The following THADA variants were observed in gnomAD, a reference collection of about 807,000 sequenced individuals.
The protein encoded by THADA is tRNA (32-2'-O)-methyltransferase regulator THADA.
Under a neutral mutation model 219.8 loss-of-function variants are expected in THADA, and 213 were observed. The ratio of observed to expected loss-of-function variants is 0.97; its 90% CI spans 0.87 to 1.09. The LOEUF (loss-of-function observed/expected upper bound fraction) is 1.09. THADA is among the 50% of genes least tolerant of loss of function. THADA has a pLI of 0.00. For synonymous variants in THADA, 1,018 were observed against 828.9 expected (o/e 1.23, Z -3.92); for missense variants, 2,956 against 2,311.3 (o/e 1.28, Z -5.72).
chr2:43,566,378 T>TA (rs1558984559), intron 15 of THADA: 12 of 628,882 alleles, frequency 1.9e-5, no homozygotes, highest in South Asian at 8.0e-5. Flanking sequence ...TTTTAAAACT[T>TA]AAAGAACAGA....
chr2:43,423,778 T>C (rs1040741957), intron 28 of THADA, among the ~76,000 whole-genome samples: 1 of 152,124 alleles, frequency 6.6e-6, no homozygotes, highest in Admixed American at 6.6e-5. Context: ...CTAGAGCTCT[T>C]TGACTGGAAC....
At chr2:43,436,979 A>T (rs1249923508) in intron 26 of THADA, among the ~76,000 whole-genome samples, 1 of 152,180 alleles carries the variant, frequency 6.6e-6, no homozygotes, top group Non-Finnish European at 1.5e-5. Context: ...TAGCTCTCAG[A>T]TGTCTACGAA....
intron 29 of THADA, among the ~76,000 whole-genome samples, chr2:43,355,273 T>G (rs1170940134): frequency 6.6e-6 from 1 of 152,184 alleles, no homozygotes; most frequent in Non-Finnish European, 1.5e-5. Context: ...TGCTGGATCA[T>G]ATGGTATTCT....
intron 22 of THADA, among the ~76,000 whole-genome samples, chr2:43,513,327 A>T (rs1471813535): frequency 6.6e-6 from 1 of 152,210 alleles, no homozygotes; most frequent in Non-Finnish European, 1.5e-5. Flanking sequence ...ATATACAAAT[A>T]GAAACCCCAA....
At chr2:43,549,511 T>C in intron 19 of THADA, 143 bp from the exon 20 acceptor site, 1 of 833,504 alleles carries the variant, frequency 1.2e-6, no homozygotes, top group Non-Finnish European at 1.8e-6. Context: ...GTGGATAATA[T>C]GAAAATTATT....
chr2:43,406,513 T>A (rs1424704937), intron 28 of THADA, among the ~76,000 whole-genome samples: 1 of 152,142 alleles, frequency 6.6e-6, no homozygotes, highest in East Asian at 1.9e-4. Context: ...TCCAACCAAA[T>A]GTTTTAGACA....
rs1338494357 is a variant in THADA, at chr2:43,444,227, C to T, written c.3837-13925G>A. ...CATATAGTGTCCTATAATCAGCTTA[C>T]TGCACTTACTAGCATATCAAGAATG... On this transcript the variant is annotated intron_variant, in intron 26 of 37. Coordinates refer to ENST00000405975, the MANE Select transcript of THADA (RefSeq NM_022065.5). Among the ~76,000 whole-genome samples the T allele has an allele frequency of 3.3e-5, 5 of 152,316 alleles. No individual in the cohort carries two copies. The East Asian group carries it at 9.6e-4, about 29-fold the overall frequency.
Position 43,279,751 on chromosome 2 carries a change from T to C in THADA, c.5296+14A>G. On this transcript the variant is annotated intron_variant, in intron 36 of 37. Transcript: ENST00000405975. ...GCAGCGATAAGACAATGCAAAAGGA[T>C]AAGAACGAGGTACCTGTTGACTGGC... 6.5e-7 allele frequency: 1 copy of C among 1,545,756 alleles called. No individual in the cohort carries two copies. The highest frequency in any genetic ancestry group is 2.5e-5 in the East Asian group (1 of 40,806).
At chr2:43,274,043 C>G (rs1377177982) in intron 36 of THADA, among the ~76,000 whole-genome samples, 6 of 152,192 alleles carry the variant, frequency 3.9e-5, no homozygotes, top group Non-Finnish European at 7.3e-5. Flanking sequence ...CCTACTTCCC[C>G]TCTTCCACCT....
At chr2:43,406,965 C>A (rs140923386) in intron 28 of THADA, among the ~76,000 whole-genome samples, 6 of 152,212 alleles carry the variant, frequency 3.9e-5, no homozygotes, top group Non-Finnish European at 7.3e-5. Context: ...GCTCGGGCTA[C>A]ACAAACAACC....
rs1282226823 is a variant in THADA at position 43,582,599 on chromosome 2, C to G, written c.534-671G>C. 1.9e-4 allele frequency among the ~76,000 whole-genome samples: 27 copies of G among 140,860 alleles called. No homozygotes were observed. The South Asian group carries it at 6.3e-3, about 33-fold the overall frequency. The allele number at this position is 140,860 out of a possible 152,430, so 92.4% of individuals were successfully genotyped here. A position where few individuals can be genotyped will look rare whatever the true frequency, so the allele number is the denominator to read the frequency against. On this transcript the variant is annotated intron_variant, in intron 7 of 37. Transcript: ENST00000405975. ...TTTTTTTTTTTTGAGACAGAGTCTCCCCCTCTGTCACCCAGGCTGGAGTGC... is the reference window on the plus strand; with the variant it reads ...TTTTTTTTTTTTGAGACAGAGTCTCGCCCTCTGTCACCCAGGCTGGAGTGC...
chr2:43,300,201 T>C (rs1676092120), intron 31 of THADA, among the ~76,000 whole-genome samples: 1 of 151,818 alleles, frequency 6.6e-6, no homozygotes, highest in African/African-American at 2.4e-5. Flanking sequence ...AGTGGCACCA[T>C]CTCGGCTCAC....
At chr2:43,267,082 G>T (rs13424398) in intron 36 of THADA, among the ~76,000 whole-genome samples, 23,109 of 152,180 alleles carry the variant, frequency 0.15, 2,045 homozygotes, top group African/African-American at 0.25. Context: ...TCCTAATGAA[G>T]TGTCTGCATT....
intron 4 of THADA, among the ~76,000 whole-genome samples, chr2:43,589,986 G>A (rs1026316756): frequency 6.6e-6 from 1 of 152,086 alleles, no homozygotes; most frequent in African/African-American, 2.4e-5. Context: ...ATTCTGTAGA[G>A]TATAATCTCG....
chr2:43,547,745 G>A (rs1048351856), intron 20 of THADA, among the ~76,000 whole-genome samples: 1 of 152,082 alleles, frequency 6.6e-6, no homozygotes, highest in African/African-American at 2.4e-5. Context: ...CTCTGTATTG[G>A]TTATTCTAGT....
intron 36 of THADA, among the ~76,000 whole-genome samples, chr2:43,233,637 A>G (rs1163341641): frequency 1.3e-5 from 2 of 152,136 alleles, no homozygotes; most frequent in Non-Finnish European, 2.9e-5. Flanking sequence ...GCTTGGAGGA[A>G]GGGCACTGAA....
chr2:43,524,095 CAAGT>C (rs1332348802), intron 22 of THADA, among the ~76,000 whole-genome samples: 1 of 152,088 alleles, frequency 6.6e-6, no homozygotes, highest in African/African-American at 2.4e-5. Flanking sequence ...AATGCTTAGA[CAAGT>C]AATTATGCAC....
intron 36 of THADA, among the ~76,000 whole-genome samples, chr2:43,251,899 C>G (rs879843405): frequency 6.6e-6 from 1 of 152,208 alleles, no homozygotes; most frequent in Non-Finnish European, 1.5e-5. Flanking sequence ...AGCAAATTCT[C>G]CATATGTGTC....
chr2:43,374,310 G>A (rs1671132958), intron 29 of THADA, among the ~76,000 whole-genome samples: 1 of 152,222 alleles, frequency 6.6e-6, no homozygotes, highest in African/African-American at 2.4e-5. Flanking sequence ...GTATGGTACT[G>A]AAGTTAGGAA....
Sources: allele counts gnomAD v4.1 joint callset (sites outside exome capture counted in the v4.1 genomes callset), GRCh38; gene constraint gnomAD v4.1.1; transcripts MANE v1.5; gene names NCBI Gene and HGNC (gene_info 2026-07-23, HGNC 2026-07-21).